PLCH1: variants seen among roughly 807,000 people sequenced by gnomAD.
The protein encoded by PLCH1 is phospholipase C eta 1, also known as 1-phosphatidylinositol 4,5-bisphosphate phosphodiesterase eta-1.
PLCH1 carries 60 observed loss-of-function variants against 126.7 expected under a neutral mutation model. The observed-to-expected ratio is 0.47, with a 90% CI of 0.38 to 0.59. The LOEUF is 0.59. Ranked by LOEUF, PLCH1 falls within the 20% of genes least tolerant of loss-of-function variation. The pLI is 0.00. For synonymous variants in PLCH1, 719 were observed against 734.9 expected, an observed-to-expected ratio of 0.98 and a Z score of 0.35; for missense variants, 1,723 against 2,040.0, an observed-to-expected ratio of 0.84 and a Z score of 2.99.
chr3:155,591,154 T>C lies in PLCH1; in HGVS notation c.470+2787A>G, dbSNP rs371841798. ...TATGAGAGAGACTTCTATAAGTGAC[T>C]TGCAGCTATGGAATGCTGTGAACTT... On this transcript the variant is annotated intron_variant, in intron 4 of 22. Transcript: ENST00000460012. Among the ~76,000 whole-genome samples the C allele has an allele frequency of 3.9e-5, 6 of 152,232 alleles. No individual in the cohort carries two copies. In the South Asian group the frequency reaches 1.0e-3, roughly 26 times the overall value.
intron 6 of PLCH1, among the ~76,000 whole-genome samples, chr3:155,569,394 C>T (rs908811483): frequency 2.0e-5 from 3 of 152,020 alleles, no homozygotes; most frequent in Admixed American, 2.0e-4. Context: ...TCTATTTAAA[C>T]TGGGGGTGAA....
At chr3:155,453,878 TTCTC>T (rs997844140) in intron 21 of PLCH1, among the ~76,000 whole-genome samples, 3 of 151,968 alleles carry the variant, frequency 2.0e-5, no homozygotes, top group South Asian at 2.1e-4. Context: ...AAATAGAAAT[TTCTC>T]TCTATCTTTA....
chr3:155,470,573 A>C (rs372769307), intron 21 of PLCH1, among the ~76,000 whole-genome samples: 2 of 152,098 alleles, frequency 1.3e-5, no homozygotes, highest in South Asian at 2.1e-4. Context: ...GAAATACAGA[A>C]AACGCCACAA....
chr3:155,596,398 GTATCCAGC>G lies in PLCH1; in HGVS notation c.80-28_80-21del, dbSNP rs774771316. On this transcript the variant is annotated intron_variant, in intron 2 of 22. Transcript: ENST00000460012. ...TTTCAACTGCAAAAGAAATTAGAGT[GTATCCAGC>G]TATCACACAATGCACAGGCATACTG... 1.2e-6 allele frequency: 2 copies of G among 1,605,506 alleles called. No individual in the cohort carries two copies. Among genetic ancestry groups the G allele is most frequent in the South Asian group, 2.2e-5 (2 of 89,560 alleles).
At chr3:155,534,188 G>A (rs1723052208) in intron 10 of PLCH1, among the ~76,000 whole-genome samples, 1 of 152,234 alleles carries the variant, frequency 6.6e-6, no homozygotes, top group Non-Finnish European at 1.5e-5. Flanking sequence ...ATGCCAGCCT[G>A]TGAAAGCAGC....
chr3:155,641,508 A>G (rs1339036427), intron 2 of PLCH1, among the ~76,000 whole-genome samples: 2 of 152,196 alleles, frequency 1.3e-5, no homozygotes, highest in Non-Finnish European at 2.9e-5. Flanking sequence ...GACCTGTCAT[A>G]TAAGAAATAT....
At chr3:155,726,607 T>G (rs1248540511) in intron 1 of PLCH1, among the ~76,000 whole-genome samples, 1 of 152,160 alleles carries the variant, frequency 6.6e-6, no homozygotes, top group Non-Finnish European at 1.5e-5. Flanking sequence ...CCTTGAAAAT[T>G]CTCAGCCATT....
intron 2 of PLCH1, among the ~76,000 whole-genome samples, chr3:155,624,158 T>C (rs1243461224): frequency 6.6e-6 from 1 of 152,220 alleles, no homozygotes; most frequent in Non-Finnish European, 1.5e-5. Flanking sequence ...ACGACATGAT[T>C]ATCTCAACAG....
At chr3:155,491,224 T>G (rs937522232) in intron 18 of PLCH1, among the ~76,000 whole-genome samples, 2 of 152,182 alleles carry the variant, frequency 1.3e-5, no homozygotes, top group Non-Finnish European at 2.9e-5. Context: ...ATTTCTATCA[T>G]GAGTAGGATG....
At chr3:155,540,084 C>T (rs80329929) in intron 10 of PLCH1, among the ~76,000 whole-genome samples, 3,707 of 152,106 alleles carry the variant, frequency 0.024, 59 homozygotes, top group African/African-American at 0.031. Flanking sequence ...AGAAAGAAAG[C>T]CAAATACTTA....
chr3:155,625,124 C>G (rs978568465), intron 2 of PLCH1, among the ~76,000 whole-genome samples: 2 of 152,018 alleles, frequency 1.3e-5, no homozygotes, highest in African/African-American at 4.8e-5. Context: ...ACAAACCTGA[C>G]AAAAACAAAC....
downstream of PLCH1, among the ~76,000 whole-genome samples, chr3:155,475,971 A>G (rs957478264): frequency 6.6e-6 from 1 of 152,180 alleles, no homozygotes; most frequent in Non-Finnish European, 1.5e-5. Context: ...CTATGAAGCC[A>G]GTATTACCTT....
chr3:155,674,304 G>T (rs530236398), intron 2 of PLCH1, among the ~76,000 whole-genome samples: 74 of 152,166 alleles, frequency 4.9e-4, no homozygotes, highest in African/African-American at 1.7e-3. Flanking sequence ...GCAAACATGG[G>T]CTTTATACTT....
At chr3:155,493,777 C>G (rs536786359) in intron 17 of PLCH1, among the ~76,000 whole-genome samples, 1 of 152,204 alleles carries the variant, frequency 6.6e-6, no homozygotes, top group African/African-American at 2.4e-5. Flanking sequence ...TTGAAGCTTC[C>G]CAGCAGGTCA....
At chr3:155,479,002 A>G (rs1439804591), downstream of PLCH1, among the ~76,000 whole-genome samples, 1 of 152,146 alleles carries the variant, frequency 6.6e-6, no homozygotes, top group African/African-American at 2.4e-5. Context: ...AAACATTCCC[A>G]ACCTATTTTC....
intron 11 of PLCH1, among the ~76,000 whole-genome samples, chr3:155,517,118 G>A (rs1467379254): frequency 1.3e-5 from 2 of 152,092 alleles, no homozygotes; most frequent in African/African-American, 4.8e-5. Flanking sequence ...ATCAGCCTGG[G>A]CAACATAATG....
intron 2 of PLCH1, among the ~76,000 whole-genome samples, chr3:155,664,482 T>G (rs1742518279): frequency 1.3e-5 from 2 of 152,250 alleles, no homozygotes. Flanking sequence ...TTTTAGGCTG[T>G]GTGGTCCATA....
At chr3:155,631,101 T>C (rs935417601) in intron 2 of PLCH1, among the ~76,000 whole-genome samples, 1 of 152,160 alleles carries the variant, frequency 6.6e-6, no homozygotes, top group African/African-American at 2.4e-5. Context: ...ATCAAACTGG[T>C]CCACATTTAA....
intron 12 of PLCH1, among the ~76,000 whole-genome samples, chr3:155,512,456 A>T (rs944487495): frequency 3.9e-5 from 6 of 152,208 alleles, no homozygotes; most frequent in African/African-American, 1.4e-4. Context: ...AGCTTAGGGC[A>T]CTGTGGGATG....
Sources: allele counts gnomAD v4.1 joint callset (sites outside exome capture counted in the v4.1 genomes callset), GRCh38; gene constraint gnomAD v4.1.1; transcripts MANE v1.5; gene names NCBI Gene and HGNC (gene_info 2026-07-23, HGNC 2026-07-21).